Variants in CFAP69 observed in about 807,000 individuals in gnomAD.
CFAP69 encodes cilia and flagella associated protein 69, also known as cilia- and flagella-associated protein 69.
Under a neutral mutation model 123.0 loss-of-function variants are expected in CFAP69, and 92 were observed. The observed-to-expected ratio is 0.75, with a 90% CI of 0.63 to 0.89. CFAP69 has a LOEUF of 0.89. CFAP69 is among the 40% of genes least tolerant of loss of function. CFAP69 has a pLI of 0.00. For synonymous variants in CFAP69, 380 were observed against 364.3 expected (o/e 1.04, Z -0.49); for missense variants, 1,067 against 1,096.9 (o/e 0.97, Z 0.39).
At chr7:90,311,520 G>A (rs1052138306), downstream of CFAP69, among the ~76,000 whole-genome samples, 1 of 152,114 alleles carries the variant, frequency 6.6e-6, no homozygotes, top group Non-Finnish European at 1.5e-5. Flanking sequence ...ACATGGTTGG[G>A]AAAACATAGA....
At chr7:90,280,222 G>C (rs1169431288) in intron 12 of CFAP69, among the ~76,000 whole-genome samples, 1 of 152,132 alleles carries the variant, frequency 6.6e-6, no homozygotes, top group Non-Finnish European at 1.5e-5. Flanking sequence ...TGTTGAGACA[G>C]GGTCTCACCC....
intron 1 of CFAP69, among the ~76,000 whole-genome samples, chr7:90,246,816 A>ATTTTTTTT (rs11368221): frequency 6.9e-6 from 1 of 144,530 alleles, no homozygotes; most frequent in South Asian, 2.2e-4. Context: ...GCAAGCGTGG[A>ATTTTTTTT]TTTTTTTTTT....
chr7:90,267,118 C>A (rs2053134076), intron 5 of CFAP69, among the ~76,000 whole-genome samples: 2 of 152,116 alleles, frequency 1.3e-5, no homozygotes, highest in South Asian at 4.1e-4. Flanking sequence ...GTTTTAAAAC[C>A]TAAGTAGTGA....
At chr7:90,297,636 T>C in intron 15 of CFAP69, 113 bp from the exon 16 acceptor site, 2 of 650,998 alleles carry the variant, frequency 3.1e-6, no homozygotes, top group African/African-American at 1.9e-5. Context: ...GCTACTTGAT[T>C]TAAGAAAATG....
rs113187119 is a variant in CFAP69 at position 90,295,687 on chromosome 7, A to G, written c.1776-2062A>G. Reference sequence around the variant, plus strand: ...GCAGAAAATAATTCAGGGTGAGTCCACAGAGTAAAGTGAAAGCAATTTATT... The same window carrying G: ...GCAGAAAATAATTCAGGGTGAGTCCGCAGAGTAAAGTGAAAGCAATTTATT... On this transcript the variant is annotated intron_variant, in intron 15 of 22. Coordinates refer to ENST00000389297, the MANE Select transcript of CFAP69 (RefSeq NM_001039706.3). 4.0e-4 allele frequency among the ~76,000 whole-genome samples: 61 copies of G among 152,358 alleles called. 1 individual carries two copies. The highest frequency in any genetic ancestry group is 1.4e-3 in the African/African-American group (60 of 41,600).
At position 90,254,558 on chromosome 7, in the gene CFAP69, A is replaced by G. The variant is rs182879577; in HGVS notation, c.121-865A>G. ...GGGGAACGAACATGTAGACCCTTTC[A>G]GAACAATGTGATGGGAATTTTAATG... On this transcript the variant is annotated intron_variant, in intron 1 of 22. Transcript: ENST00000389297. Among the ~76,000 whole-genome samples the G allele has an allele frequency of 5.6e-3, 848 of 152,258 alleles. 10 individuals are homozygous for G. Among genetic ancestry groups the G allele is most frequent in the South Asian group, 0.019 (93 of 4,812 alleles).
At chr7:90,302,000 T>G (rs1287743831) in intron 17 of CFAP69, 1 of 152,200 alleles carries the variant, frequency 6.6e-6, no homozygotes, top group Non-Finnish European at 1.5e-5. Context: ...TTTTTTGACT[T>G]TTTAATAACA....
At chr7:90,273,558 T>C (rs1378109934) in intron 8 of CFAP69, among the ~76,000 whole-genome samples, 1 of 152,150 alleles carries the variant, frequency 6.6e-6, no homozygotes, top group Non-Finnish European at 1.5e-5. Context: ...TAGTATAATA[T>C]AAAAAGGGAG....
the CFAP69 span, chr7:90,317,164 C>T: frequency 6.6e-6 from 1 of 151,534 alleles, no homozygotes; most frequent in Non-Finnish European, 1.5e-5. Context: ...TGAGAAAGGA[C>T]AGGAAAGTTC....
downstream of CFAP69, among the ~76,000 whole-genome samples, chr7:90,315,844 G>C (rs1794759496): frequency 6.6e-6 from 1 of 152,216 alleles, no homozygotes; most frequent in Non-Finnish European, 1.5e-5. Context: ...TGTAATCCCA[G>C]CACTTTGGGA....
intron 15 of CFAP69, among the ~76,000 whole-genome samples, chr7:90,296,965 C>T (rs149789695): frequency 6.6e-5 from 10 of 151,376 alleles, no homozygotes; most frequent in South Asian, 6.2e-4. Flanking sequence ...TAAAAGGTGC[C>T]GGACTTAGTT....
chr7:90,312,423 G>A (rs1562936382), downstream of CFAP69: 1 of 152,176 alleles, frequency 6.6e-6, no homozygotes, highest in African/African-American at 2.4e-5. Flanking sequence ...GATTAGGACT[G>A]TAATCTAGAC....
chr7:90,267,323 G>A (rs1248274491), intron 5 of CFAP69, among the ~76,000 whole-genome samples: 1 of 152,052 alleles, frequency 6.6e-6, no homozygotes, highest in Non-Finnish European at 1.5e-5. Context: ...TCTTGCAAGG[G>A]CTAATGCAAA....
At chr7:90,309,969 T>G in intron 22 of CFAP69, 99 bp from the exon 23 acceptor site, 2 of 945,008 alleles carry the variant, frequency 2.1e-6, no homozygotes, top group Non-Finnish European at 3.2e-6. Context: ...ATTCATTACA[T>G]TTGTGTCTTT....
chr7:90,321,315 G>A, the CFAP69 span: 1 of 152,308 alleles, frequency 6.6e-6, no homozygotes, highest in Admixed American at 6.5e-5. Context: ...ACCCGCCGCT[G>A]GGACCGCGAT....
At chr7:90,266,104 AT>A (rs1292947984) in intron 5 of CFAP69, 5 of 152,162 alleles carry the variant, frequency 3.3e-5, no homozygotes, top group Non-Finnish European at 7.4e-5. Context: ...ATTTTTAAAA[AT>A]ATTTACGGAA....
At chr7:90,289,033 A>T (rs1293396155) in intron 15 of CFAP69, among the ~76,000 whole-genome samples, 1 of 151,906 alleles carries the variant, frequency 6.6e-6, no homozygotes, top group Non-Finnish European at 1.5e-5. Flanking sequence ...TTCTGTTTTT[A>T]AAAAAATTAC....
intron 15 of CFAP69, among the ~76,000 whole-genome samples, chr7:90,289,064 A>G (rs1033365136): frequency 2.0e-4 from 30 of 151,996 alleles, no homozygotes; most frequent in African/African-American, 7.2e-4. Flanking sequence ...CTTGTTAAAC[A>G]TTTTGTTAAA....
chr7:90,304,036 C>T lies in CFAP69; in HGVS notation c.2118C>T (p.Cys706=). ...EQKIIPLPAN[C]PSIAVMDVSE... ...AAATCATCCCACTGCCTGCTAACTG[C>T]CCATCTATTGCGGTTATGGATGTTT... The change falls in exon 18 of 23, where the codon TGC becomes TGT. Residue 706 remains cysteine, a synonymous_variant. Coordinates refer to ENST00000389297, the MANE Select transcript of CFAP69 (RefSeq NM_001039706.3). 6.4e-7 allele frequency: 1 copy of T among 1,551,124 alleles called. No homozygotes were observed.
Sources: gnomAD v4.1 joint callset for allele counts (sites outside exome capture counted in the v4.1 genomes callset) on GRCh38, gnomAD v4.1.1 for gene constraint, MANE v1.5 for transcripts, NCBI Gene and HGNC (gene_info 2026-07-23, HGNC 2026-07-21) for gene names.